Variants in LRP2 observed in about 807,000 individuals in gnomAD.
LRP2 encodes low-density lipoprotein receptor-related protein 2.
Under a neutral mutation model 531.0 loss-of-function variants are expected in LRP2, and 172 were observed. The ratio of observed to expected loss-of-function variants is 0.32; its 90% CI spans 0.29 to 0.37. The LOEUF is 0.37. Ranked by LOEUF, LRP2 falls within the 10% of genes least tolerant of loss-of-function variation. The probability of loss-of-function intolerance (pLI) is 1.00; values close to 1 mark genes in which losing one functional copy is unlikely to be tolerated. For synonymous variants in LRP2, 1,992 were observed against 2,027.6 expected (o/e 0.98, Z 0.47); for missense variants, 5,167 against 5,868.3 (o/e 0.88, Z 3.90).
intron 16 of LRP2, among the ~76,000 whole-genome samples, chr2:169,261,402 T>C (rs1690544745): frequency 6.6e-6 from 1 of 151,870 alleles, no homozygotes; most frequent in Admixed American, 6.6e-5. Context: ...CATAGCCCAC[T>C]GCAGCCTCAA....
chr2:169,215,601 C>T (rs1360353438), intron 35 of LRP2, among the ~76,000 whole-genome samples: 1 of 151,244 alleles, frequency 6.6e-6, no homozygotes, highest in Non-Finnish European at 1.5e-5. Flanking sequence ...TAGATACATA[C>T]ATACATACAC....
chr2:169,280,499 A>G lies in LRP2; in HGVS notation c.1192T>C (p.Phe398Leu), dbSNP rs1683673227. ...ATTAACAAATCCCGACCATTGGAGA[A>G]GATAATGGAGGCCTCGCCAACTAAA... ...NDSFGEASII[F>L]SNGRDLLIGD... The change falls in exon 11 of 79, where the codon TTC (phenylalanine) becomes CTC (leucine). Residue 398 changes from phenylalanine (F) to leucine (L), a missense_variant. Around this residue, in one of 6 missense-constraint regions of LRP2, gnomAD observed 2,811 missense variants for 3,058.0 expected, o/e 0.92. Transcript: ENST00000649046. 1.2e-6 allele frequency: 2 copies of G among 1,614,180 alleles called. No individual in the cohort carries two copies. The highest frequency in any genetic ancestry group is 1.7e-6 in the Non-Finnish European group (2 of 1,180,022).
At chr2:169,154,217 A>G (rs1458041445) in intron 66 of LRP2, among the ~76,000 whole-genome samples, 1 of 152,188 alleles carries the variant, frequency 6.6e-6, no homozygotes, top group Non-Finnish European at 1.5e-5. Context: ...ATACAAGAAG[A>G]TGTGAGATGG....
intron 1 of LRP2, among the ~76,000 whole-genome samples, chr2:169,324,886 G>A (rs1430395616): frequency 6.6e-6 from 1 of 152,122 alleles, no homozygotes; most frequent in African/African-American, 2.4e-5. Flanking sequence ...GTCAGGAAGT[G>A]TAGAATTCTC....
chr2:169,162,702 C>T, intron 62 of LRP2, 102 bp from the exon 63 acceptor site: 1 of 1,223,768 alleles, frequency 8.2e-7, no homozygotes, highest in Non-Finnish European at 1.2e-6. Context: ...TAAACAAGTG[C>T]TTCCCTACAT....
intron 1 of LRP2, among the ~76,000 whole-genome samples, chr2:169,348,147 A>G (rs1306357812): frequency 6.6e-6 from 1 of 152,228 alleles, no homozygotes; most frequent in African/African-American, 2.4e-5. Flanking sequence ...AGGTAAACTA[A>G]TACCTACAAA....
intron 70 of LRP2, among the ~76,000 whole-genome samples, chr2:169,145,076 T>G (rs1173613252): frequency 6.6e-6 from 1 of 152,218 alleles, no homozygotes; most frequent in African/African-American, 2.4e-5. Context: ...TTTATAAGGT[T>G]TGGGAGGTCT....
At chr2:169,327,772 C>T (rs1238825715) in intron 1 of LRP2, among the ~76,000 whole-genome samples, 1,621 of 124,600 alleles carry the variant, frequency 0.013, 8 homozygotes, top group Non-Finnish European at 0.02. Flanking sequence ...GTCAGCCCCC[C>T]GCCCGGCCAG....
chr2:169,194,649 A>G (rs1215971402), intron 46 of LRP2, among the ~76,000 whole-genome samples: 1 of 151,952 alleles, frequency 6.6e-6, no homozygotes, highest in East Asian at 1.9e-4. Context: ...CACAGCCTAT[A>G]TCATAACAGT....
chr2:169,255,315 T>C (rs1045084181), intron 19 of LRP2, among the ~76,000 whole-genome samples: 3 of 152,162 alleles, frequency 2.0e-5, no homozygotes, highest in African/African-American at 7.2e-5. Context: ...ACAGAGCTCC[T>C]GTTTTCAAGA....
chr2:169,178,002 A>G lies in LRP2; in HGVS notation c.10194T>C (p.His3398=). 1 of 1,613,902 alleles carries G rather than the reference A, an allele frequency of 6.2e-7. No individual in the cohort carries two copies. ...YIEYSDLEGH[H]RHTVYDGALP... ...GTGCCCCATCATACACCGTGTGTCGATGGTGGCCCTCCAAATCAGAGTACC... is the reference window on the plus strand; with the variant it reads ...GTGCCCCATCATACACCGTGTGTCGGTGGTGGCCCTCCAAATCAGAGTACC... Residue 3398 remains histidine, a synonymous_variant, in exon 53 of 79, where the codon CAT becomes CAC. Transcript: ENST00000649046.
intron 33 of LRP2, among the ~76,000 whole-genome samples, chr2:169,222,030 G>A (rs1278867510): frequency 1.3e-5 from 2 of 152,104 alleles, no homozygotes; most frequent in African/African-American, 4.8e-5. Flanking sequence ...TTATTTTCAA[G>A]TTGGAGTTAA....
Position 169,273,080 on chromosome 2 carries a change from A to G in LRP2, c.1976-13T>C. On this transcript the variant is annotated splice_polypyrimidine_tract_variant and intron_variant, in intron 14 of 78. Transcript: ENST00000649046. The stretch of plus-strand genomic sequence containing the variant: ...CACGGATTGGTAGCTGGAAGGAAAA[A>G]TGCACAGGGTTAAATTGCAATTAGA... 6.2e-7 allele frequency: 1 copy of G among 1,613,468 alleles called. No individual in the cohort carries two copies. The highest frequency in any genetic ancestry group is 8.5e-7 in the Non-Finnish European group (1 of 1,179,592).
intron 76 of LRP2, among the ~76,000 whole-genome samples, chr2:169,135,342 AC>A (rs1319370315): frequency 5.3e-5 from 8 of 152,180 alleles, no homozygotes; most frequent in African/African-American, 1.9e-4. Context: ...AAGTCAGGAA[AC>A]TAAAATACCT....
intron 9 of LRP2, among the ~76,000 whole-genome samples, chr2:169,288,771 TC>T: frequency 6.6e-6 from 1 of 152,170 alleles, no homozygotes; most frequent in African/African-American, 2.4e-5. Context: ...ACCGCCCTCA[TC>T]AAGTAATGGA....
intron 1 of LRP2, among the ~76,000 whole-genome samples, chr2:169,332,997 T>C (rs1685306666): frequency 6.6e-6 from 1 of 152,168 alleles, no homozygotes; most frequent in South Asian, 2.1e-4. Context: ...GCCAACAGAG[T>C]AAGAATTTTC....
intron 17 of LRP2, among the ~76,000 whole-genome samples, chr2:169,258,099 G>A (rs1455614232): frequency 1.3e-5 from 2 of 151,972 alleles, no homozygotes; most frequent in African/African-American, 4.8e-5. Context: ...AATAACATCA[G>A]TTTTAAAATG....
intron 1 of LRP2, among the ~76,000 whole-genome samples, chr2:169,339,637 A>G (rs746420676): frequency 6.6e-6 from 1 of 152,216 alleles, no homozygotes; most frequent in African/African-American, 2.4e-5. Context: ...AATCCAAAGA[A>G]GTTGATAGTG....
intron 3 of LRP2, among the ~76,000 whole-genome samples, chr2:169,310,542 G>A (rs1684564502): frequency 6.6e-6 from 1 of 152,144 alleles, no homozygotes; most frequent in East Asian, 1.9e-4. Flanking sequence ...TGCATCCCAG[G>A]GATGAAACCA....
Sources: gnomAD v4.1 joint callset for allele counts (sites outside exome capture counted in the v4.1 genomes callset) on GRCh38, gnomAD v4.1.1 for gene constraint, gnomAD v4.1.1 regional missense constraint, MANE v1.5 for transcripts, NCBI Gene and HGNC (gene_info 2026-07-23, HGNC 2026-07-21) for gene names.